Variants in NEK10 observed in about 807,000 individuals in gnomAD.
The protein encoded by NEK10 is serine/threonine-protein kinase Nek10.
Under a neutral mutation model 159.8 loss-of-function variants are expected in NEK10, and 122 were observed. The observed-to-expected ratio is 0.76, with a 90% CI of 0.66 to 0.89. NEK10 has a LOEUF of 0.89. Ranked by LOEUF, NEK10 falls within the 40% of genes least tolerant of loss-of-function variation. The pLI, the probability that NEK10 is intolerant of heterozygous loss-of-function variation, is 0.00. For synonymous variants in NEK10, 466 were observed against 457.1 expected (o/e 1.02, Z -0.25); for missense variants, 1,342 against 1,323.1 (o/e 1.01, Z -0.22).
chr3:27,251,821 C>T (rs566781559), intron 23 of NEK10, among the ~76,000 whole-genome samples: 160 of 152,248 alleles, frequency 1.1e-3, no homozygotes, highest in African/African-American at 3.8e-3. Flanking sequence ...TAACATCCTA[C>T]TTGATCTCAT....
At chr3:27,142,483 A>C (rs1392751306) in intron 30 of NEK10, among the ~76,000 whole-genome samples, 22 of 151,982 alleles carry the variant, frequency 1.4e-4, no homozygotes, top group Admixed American at 1.2e-3. Context: ...TTTCCGCAAT[A>C]AAACTTCTCT....
chr3:27,152,194 T>G (rs967718432), intron 30 of NEK10, among the ~76,000 whole-genome samples: 1 of 152,190 alleles, frequency 6.6e-6, no homozygotes, highest in Non-Finnish European at 1.5e-5. Flanking sequence ...CATTGTCATC[T>G]GTTATCCAAA....
At chr3:27,339,048 AGCGAC>A (rs2047015524) in intron 5 of NEK10, among the ~76,000 whole-genome samples, 3 of 152,228 alleles carry the variant, frequency 2.0e-5, no homozygotes, top group African/African-American at 7.2e-5. Flanking sequence ...TTCATCAACA[AGCGAC>A]TAATATCCAA....
At chr3:27,190,317 C>T (rs924827851) in intron 26 of NEK10, among the ~76,000 whole-genome samples, 2 of 152,006 alleles carry the variant, frequency 1.3e-5, no homozygotes, top group African/African-American at 4.8e-5. Flanking sequence ...TATGGAAATA[C>T]TGATAGAGGA....
intron 23 of NEK10, chr3:27,215,789 A>G (rs1386413218): frequency 2.8e-6 from 2 of 716,820 alleles, no homozygotes; most frequent in Non-Finnish European, 5.2e-6. Context: ...GGCATCAGGA[A>G]GCTTCCAATG....
At chr3:27,338,431 A>G (rs775147579) in intron 5 of NEK10, among the ~76,000 whole-genome samples, 20 of 152,182 alleles carry the variant, frequency 1.3e-4, no homozygotes, top group Non-Finnish European at 2.1e-4. Context: ...ATGATTTATA[A>G]TCCTCTGGGT....
At chr3:27,279,697 A>C (rs945355874) in intron 22 of NEK10, among the ~76,000 whole-genome samples, 1 of 152,174 alleles carries the variant, frequency 6.6e-6, no homozygotes, top group Non-Finnish European at 1.5e-5. Context: ...GAGTACATGA[A>C]TGCCCTAACC....
At chr3:27,206,581 T>C (rs1347769190) in intron 23 of NEK10, 6 of 984,858 alleles carry the variant, frequency 6.1e-6, no homozygotes, top group Middle Eastern at 5.2e-4. Context: ...ACTCTCTCCT[T>C]GGATAATTTC....
Position 27,111,125 on chromosome 3 carries a change from C to T in NEK10, c.*147G>A. On this transcript the variant is annotated 3_prime_UTR_variant, in exon 36 of 36. Transcript: ENST00000691995. The stretch of plus-strand genomic sequence containing the variant: ...GTCATATACTCCAGCACAGGACCCC[C>T]AGAAAGAAGTCCTGCAGGCCCCATG... 1 of 631,878 alleles carries T rather than the reference C, an allele frequency of 1.6e-6. No homozygotes were observed. The highest frequency in any genetic ancestry group is 2.3e-5 in the South Asian group (1 of 43,200). The allele number at this position is 631,878 out of a possible 1,614,324, so 39.1% of individuals were successfully genotyped here.
At chr3:27,328,082 C>G (rs986169720) in intron 5 of NEK10, among the ~76,000 whole-genome samples, 6 of 152,076 alleles carry the variant, frequency 3.9e-5, no homozygotes, top group African/African-American at 1.4e-4. Context: ...TACACCCAAT[C>G]AGAAACCCAT....
In NEK10 at chr3:27,111,294, T is replaced by C; in HGVS notation, c.3326A>G (p.Lys1109Arg). 6.2e-7 allele frequency: 1 copy of C among 1,609,438 alleles called. No homozygotes were observed. The highest frequency in any genetic ancestry group is 2.2e-5 in the East Asian group (1 of 44,488). ...TTTTCATCTTTTGGTTGGGTGATTC[T>C]TGGTCCCCCATGGATAGGAATGATA... is the stretch of plus-strand genomic sequence containing the variant. ...NRYHSYPWGTKNHPTKR is the reference protein window; with the variant it reads ...NRYHSYPWGTRNHPTKR Residue 1109 changes from lysine to arginine, a missense_variant, in exon 36 of 36, where the codon AAG (lysine) becomes AGG (arginine). Transcript: ENST00000691995.
chr3:27,200,060 A>G (rs1575209685), intron 25 of NEK10, among the ~76,000 whole-genome samples: 1 of 152,318 alleles, frequency 6.6e-6, no homozygotes, highest in East Asian at 1.9e-4. Context: ...AACCCCCATG[A>G]CACAAGTTTA....
chr3:27,304,887 G>A lies in NEK10; in HGVS notation c.888C>T (p.Leu296=). 1.9e-6 allele frequency: 3 copies of A among 1,613,718 alleles called. No individual in the cohort carries two copies. The highest frequency in any genetic ancestry group is 2.5e-6 in the Non-Finnish European group (3 of 1,179,656). ...QVKLYEGIPV[L]LSLLHSDHLK... ...AGTGGTCAGAGTGGAGCAGACTGAG[G>A]AGGACCGGTATCCCCTCATAGAGCT... The change falls in exon 12 of 36, where the codon CTC becomes CTT. Residue 296 remains leucine (L), a synonymous_variant. Coordinates refer to ENST00000691995, the MANE Select transcript of NEK10 (RefSeq NM_001394966.1).
At chr3:27,261,894 A>C (rs1408413517) in intron 22 of NEK10, among the ~76,000 whole-genome samples, 2 of 152,196 alleles carry the variant, frequency 1.3e-5, no homozygotes, top group Non-Finnish European at 2.9e-5. Context: ...TTGCTTTATC[A>C]ATCGGGGTAC....
At chr3:27,178,260 C>A (rs1250100362) in intron 26 of NEK10, among the ~76,000 whole-genome samples, 1 of 152,056 alleles carries the variant, frequency 6.6e-6, no homozygotes, top group African/African-American at 2.4e-5. Flanking sequence ...ACTGACATTA[C>A]CCAAATTAAC....
chr3:27,235,954 G>A (rs892962019), intron 23 of NEK10, among the ~76,000 whole-genome samples: 17 of 152,142 alleles, frequency 1.1e-4, no homozygotes, highest in African/African-American at 3.4e-4. Flanking sequence ...ATACACCATG[G>A]AATACTATGC....
intron 23 of NEK10, among the ~76,000 whole-genome samples, chr3:27,243,984 A>C (rs1954816586): frequency 6.6e-6 from 1 of 152,166 alleles, no homozygotes; most frequent in South Asian, 2.1e-4. Flanking sequence ...TGATGAATAC[A>C]CATCTCTCCT....
intron 22 of NEK10, among the ~76,000 whole-genome samples, chr3:27,276,339 G>C (rs977270988): frequency 6.6e-6 from 1 of 151,966 alleles, no homozygotes; most frequent in Non-Finnish European, 1.5e-5. Flanking sequence ...TATCAGATGT[G>C]GATGTCAAAG....
rs370883970 is a variant in NEK10, at chr3:27,241,096, A to T, written c.2090+15200T>A. ...GCATGACTGGGGGAAAAAATTCTCA[A>T]CTCAATGTAACTGTGAGGAAAATCT... On this transcript the variant is annotated intron_variant, in intron 23 of 35. Coordinates refer to ENST00000691995, the MANE Select transcript of NEK10 (RefSeq NM_001394966.1). 8.5e-5 allele frequency among the ~76,000 whole-genome samples: 13 copies of T among 152,206 alleles called. No individual in the cohort carries two copies. In the South Asian group the frequency reaches 1.7e-3, roughly 19 times the overall value.
Sources: allele counts gnomAD v4.1 joint callset (sites outside exome capture counted in the v4.1 genomes callset), GRCh38; gene constraint gnomAD v4.1.1; transcripts MANE v1.5; gene names NCBI Gene and HGNC (gene_info 2026-07-23, HGNC 2026-07-21).